Variants in ANKRD62 observed in about 807,000 individuals in gnomAD.
ANKRD62 encodes the protein ankyrin repeat domain-containing protein 62.
In ANKRD62, 61 loss-of-function variants were observed where a neutral mutation model predicts 98.8. The observed-to-expected ratio is 0.62, with a 90% CI of 0.50 to 0.76. The LOEUF is 0.76. Ranked by LOEUF, ANKRD62 falls within the 30% of genes least tolerant of loss-of-function variation. The probability of loss-of-function intolerance (pLI) is 0.00; values close to 1 mark genes in which losing one functional copy is unlikely to be tolerated. For synonymous variants in ANKRD62, 341 were observed against 367.9 expected, an observed-to-expected ratio of 0.93 and a Z score of 0.84; for missense variants, 933 against 1,082.9, an observed-to-expected ratio of 0.86 and a Z score of 1.94.
the ANKRD62 span, among the ~76,000 whole-genome samples, chr18:12,172,556 T>G: frequency 6.6e-6 from 1 of 152,178 alleles, no homozygotes; most frequent in Non-Finnish European, 1.5e-5. Flanking sequence ...GCCTCTCAAT[T>G]AGGCTACTCG....
chr18:12,100,869 A>G (rs1421626239), intron 6 of ANKRD62, among the ~76,000 whole-genome samples: 2 of 152,216 alleles, frequency 1.3e-5, no homozygotes, highest in Non-Finnish European at 2.9e-5. Context: ...TAGCTAAAAT[A>G]TTATTATAAT....
the ANKRD62 span, among the ~76,000 whole-genome samples, chr18:12,172,201 T>C: frequency 6.6e-6 from 1 of 152,220 alleles, no homozygotes; most frequent in Non-Finnish European, 1.5e-5. Context: ...TGTGTTCCTT[T>C]GGAGGAGAAG....
At chr18:12,154,561 A>G in the ANKRD62 span, among the ~76,000 whole-genome samples, 1 of 152,222 alleles carries the variant, frequency 6.6e-6, no homozygotes, top group African/African-American at 2.4e-5. Context: ...TAAAAGCAGA[A>G]CTACCATTCC....
intron 8 of ANKRD62, among the ~76,000 whole-genome samples, chr18:12,110,043 T>C (rs1909506804): frequency 6.6e-6 from 1 of 151,754 alleles, no homozygotes; most frequent in Non-Finnish European, 1.5e-5. Flanking sequence ...AAAACCAAGG[T>C]GCTGCCAATG....
rs1372063557 is a variant in ANKRD62 at position 12,094,179 on chromosome 18, G to C, written c.162G>C (p.Val54=). 1 of 1,532,406 alleles carries C rather than the reference G, an allele frequency of 6.5e-7. No individual in the cohort carries two copies. The highest frequency in any genetic ancestry group is 2.5e-5 in the East Asian group (1 of 40,582). The allele number at this position is 1,532,406 out of a possible 1,614,324, so 94.9% of individuals were successfully genotyped here. A position where few individuals can be genotyped will look rare whatever the true frequency, so the allele number is the denominator to read the frequency against. ...KAAIAGDVNK[V]MESILLRLND... ...CCATCGCAGGTGATGTGAACAAGGT[G>C]ATGGAGAGCATCTTGCTCAGGCTGA... is the stretch of plus-strand genomic sequence containing the variant. The change falls in exon 1 of 14, where the codon GTG becomes GTC. Residue 54 remains valine (V), a synonymous_variant. Coordinates refer to ENST00000587848, the MANE Select transcript of ANKRD62 (RefSeq NM_001277333.2).
intron 5 of ANKRD62, among the ~76,000 whole-genome samples, chr18:12,099,232 C>T (rs1309631348): frequency 1.3e-5 from 2 of 152,166 alleles, no homozygotes; most frequent in East Asian, 1.9e-4. Context: ...TTTCTCTGAG[C>T]ACCTTAAAAT....
the ANKRD62 span, among the ~76,000 whole-genome samples, chr18:12,153,761 A>G: frequency 6.6e-6 from 1 of 151,992 alleles, no homozygotes; most frequent in Non-Finnish European, 1.5e-5. Flanking sequence ...AAACAGACAT[A>G]TATACTAAGG....
At chr18:12,116,746 T>C (rs1909673166) in intron 10 of ANKRD62, among the ~76,000 whole-genome samples, 1 of 152,180 alleles carries the variant, frequency 6.6e-6, no homozygotes, top group Non-Finnish European at 1.5e-5. Flanking sequence ...GCTTGTCAAT[T>C]TAAAAAAATT....
At position 12,120,698 on chromosome 18, in the gene ANKRD62, G is replaced by A. The variant is rs572295740; in HGVS notation, c.1241-1605G>A. 2.6e-5 allele frequency among the ~76,000 whole-genome samples: 4 copies of A among 152,120 alleles called. No homozygotes were observed. In the South Asian group the frequency reaches 8.3e-4, roughly 32 times the overall value. ...ATTGCTGTTAGTCTCGCTATTATTT[G>A]TTCCCCTTCTTTTTCTGCTTTCCTT... On this transcript the variant is annotated intron_variant, in intron 10 of 13. Coordinates refer to ENST00000587848, the MANE Select transcript of ANKRD62 (RefSeq NM_001277333.2).
At chr18:12,109,873 C>T (rs530317929) in intron 8 of ANKRD62, among the ~76,000 whole-genome samples, 5 of 147,844 alleles carry the variant, frequency 3.4e-5, no homozygotes, top group East Asian at 4.0e-4. Context: ...CTCTGTCACT[C>T]GATAAATGAA....
rs532452379 is a variant in ANKRD62, at chr18:12,099,385, A to G, written c.753-230A>G. ...CCTATTATGAGTCAGATCATTTTCCATTATGTCAACTTCACATGAGTTAAT... is the reference window on the plus strand; with the variant it reads ...CCTATTATGAGTCAGATCATTTTCCGTTATGTCAACTTCACATGAGTTAAT... On this transcript the variant is annotated intron_variant, in intron 5 of 13. Transcript: ENST00000587848. Among the ~76,000 whole-genome samples, 17 of 152,218 alleles carry G rather than the reference A, an allele frequency of 1.1e-4. No homozygotes were observed. The South Asian group carries it at 2.1e-3, about 19-fold the overall frequency.
In ANKRD62 at chr18:12,125,729, T is replaced by C. The variant is rs1261125841; in HGVS notation, c.1908T>C (p.Asn636=). The C allele has an allele frequency of 6.5e-7, 1 of 1,543,564 alleles. No homozygotes were observed. Among genetic ancestry groups the C allele is most frequent in the Non-Finnish European group, 8.7e-7 (1 of 1,146,938 alleles). The change falls in exon 13 of 14, where the codon AAT becomes AAC. Residue 636 remains asparagine, a synonymous_variant. Coordinates refer to ENST00000587848, the MANE Select transcript of ANKRD62 (RefSeq NM_001277333.2). ...NVLMDENTML[N]SELQKEKQSM... ...TGATGGATGAGAATACAATGCTCAATTCTGAGCTACAGAAGGAAAAACAAA... is the reference window on the plus strand; with the variant it reads ...TGATGGATGAGAATACAATGCTCAACTCTGAGCTACAGAAGGAAAAACAAA...
chr18:12,102,233 A>G lies in ANKRD62; in HGVS notation c.821-925A>G, dbSNP rs1001101860. The G allele has an allele frequency of 1.6e-4, 122 of 786,074 alleles. No individual in the cohort carries two copies. In the African/African-American group the frequency reaches 1.8e-3, roughly 12 times the overall value. The allele number at this position is 786,074 out of a possible 1,614,324, so 48.7% of individuals were successfully genotyped here. A position where few individuals can be genotyped will look rare whatever the true frequency, so the allele number is the denominator to read the frequency against. ...GCCAAGGATTCAAATAAGCAGCTGG[A>G]AGCAGGCCCAGGAGCAAAACACTGA... On this transcript the variant is annotated intron_variant, in intron 6 of 13. Coordinates refer to ENST00000587848, the MANE Select transcript of ANKRD62 (RefSeq NM_001277333.2).
At chr18:12,135,750 T>A in the ANKRD62 span, among the ~76,000 whole-genome samples, 1 of 152,090 alleles carries the variant, frequency 6.6e-6, no homozygotes, top group Non-Finnish European at 1.5e-5. Flanking sequence ...TGGTGTGAGA[T>A]GGTATCTCAT....
the ANKRD62 span, among the ~76,000 whole-genome samples, chr18:12,179,292 G>A: frequency 7.2e-6 from 1 of 138,390 alleles, no homozygotes; most frequent in African/African-American, 2.7e-5. Flanking sequence ...GTGGAGGGAG[G>A]AACGGTGGAG....
At chr18:12,105,839 A>G (rs1241352399) in intron 7 of ANKRD62, among the ~76,000 whole-genome samples, 1 of 152,204 alleles carries the variant, frequency 6.6e-6, no homozygotes, top group Non-Finnish European at 1.5e-5. Context: ...CTATTCATAT[A>G]TCATGGATAT....
At chr18:12,099,761 A>C (rs1568058459) in intron 6 of ANKRD62, 79 bp downstream of exon 6, 1 of 732,154 alleles carries the variant, frequency 1.4e-6, no homozygotes, top group East Asian at 3.2e-5. Context: ...TTTGATCACA[A>C]AACAGCAGTT....
the ANKRD62 span, among the ~76,000 whole-genome samples, chr18:12,162,002 T>A: frequency 6.6e-6 from 1 of 152,128 alleles, no homozygotes; most frequent in Non-Finnish European, 1.5e-5. Flanking sequence ...AATGCAGACA[T>A]CTCTGAGAAT....
At chr18:12,106,864 G>T (rs879130507) in intron 7 of ANKRD62, among the ~76,000 whole-genome samples, 1 of 152,256 alleles carries the variant, frequency 6.6e-6, no homozygotes, top group Admixed American at 6.5e-5. Context: ...CTTCCTTTCT[G>T]TTCTTGAAGC....
Sources: gnomAD v4.1 joint callset for allele counts (sites outside exome capture counted in the v4.1 genomes callset) on GRCh38, gnomAD v4.1.1 for gene constraint, MANE v1.5 for transcripts, NCBI Gene and HGNC (gene_info 2026-07-23, HGNC 2026-07-21) for gene names.